TENM4: variants seen among roughly 807,000 people sequenced by gnomAD.
The protein encoded by TENM4 is teneurin transmembrane protein 4.
TENM4 carries 82 observed loss-of-function variants against 243.3 expected under a neutral mutation model. The observed-to-expected ratio is 0.34, with a 90% CI of 0.28 to 0.40. TENM4 has a LOEUF of 0.40. Ranked by LOEUF, TENM4 falls within the 10% of genes least tolerant of loss-of-function variation. The probability of loss-of-function intolerance (pLI) is 1.00; values close to 1 mark genes in which losing one functional copy is unlikely to be tolerated. For synonymous variants in TENM4, 1,412 were observed against 1,456.3 expected (o/e 0.97, Z 0.69); for missense variants, 3,138 against 3,673.3 (o/e 0.85, Z 3.77).
chr11:79,402,245 G>A (rs919078227), intron 1 of TENM4: 1 of 169,810 alleles, frequency 5.9e-6, no homozygotes. Flanking sequence ...GAAGTCACCA[G>A]TGAACTTGTA....
intron 6 of TENM4, among the ~76,000 whole-genome samples, chr11:78,964,646 T>A (rs1857402511): frequency 6.6e-6 from 1 of 152,206 alleles, no homozygotes; most frequent in Non-Finnish European, 1.5e-5. Flanking sequence ...CTGAACATTC[T>A]GCATTCCTTT....
chr11:78,754,265 C>T (rs558629726), intron 19 of TENM4, among the ~76,000 whole-genome samples: 1 of 152,342 alleles, frequency 6.6e-6, no homozygotes, highest in East Asian at 1.9e-4. Context: ...GTCTTCCCTA[C>T]TGCTGAGGGG....
At chr11:78,675,437 A>AG (rs1858443502) in intron 30 of TENM4, among the ~76,000 whole-genome samples, 1 of 152,196 alleles carries the variant, frequency 6.6e-6, no homozygotes, top group African/African-American at 2.4e-5. Context: ...AGCCATGGCT[A>AG]GTTCATTAAC....
At chr11:79,431,945 T>C (rs1445350805) in intron 1 of TENM4, among the ~76,000 whole-genome samples, 1 of 152,198 alleles carries the variant, frequency 6.6e-6, no homozygotes, top group Admixed American at 6.5e-5. Context: ...CTTAATCGAA[T>C]GTCTTACAAT....
intron 4 of TENM4, among the ~76,000 whole-genome samples, chr11:79,117,328 TG>T (rs1164685006): frequency 6.6e-6 from 1 of 152,164 alleles, no homozygotes; most frequent in African/African-American, 2.4e-5. Flanking sequence ...GCATCTTTCT[TG>T]GTTGGCCTAC....
intron 2 of TENM4, among the ~76,000 whole-genome samples, chr11:79,237,144 C>T (rs879780082): frequency 1.3e-5 from 2 of 152,166 alleles, no homozygotes; most frequent in South Asian, 2.1e-4. Context: ...TGAGCCAACA[C>T]CCGTCTGTCC....
intron 1 of TENM4, among the ~76,000 whole-genome samples, chr11:79,412,861 A>G (rs1470056521): frequency 6.6e-6 from 1 of 152,170 alleles, no homozygotes; most frequent in Non-Finnish European, 1.5e-5. Context: ...TTCCATGAGC[A>G]TCTTCTTTGC....
chr11:79,170,360 T>C (rs1172996885), intron 3 of TENM4, among the ~76,000 whole-genome samples: 2 of 152,138 alleles, frequency 1.3e-5, no homozygotes, highest in Admixed American at 6.5e-5. Flanking sequence ...ACAGAGACTT[T>C]CCATACTTGA....
intron 2 of TENM4, among the ~76,000 whole-genome samples, chr11:79,283,817 G>A (rs116490122): frequency 3.4e-3 from 514 of 152,128 alleles, no homozygotes; most frequent in African/African-American, 0.011. Context: ...AAATCCTAAG[G>A]AATCCACAAA....
intron 7 of TENM4, among the ~76,000 whole-genome samples, chr11:78,897,641 T>A (rs1855827735): frequency 6.6e-6 from 1 of 152,210 alleles, no homozygotes. Flanking sequence ...CATTTACAGG[T>A]CTGTCTCCCT....
rs376235404 is a variant in TENM4, at chr11:78,708,407, G to A, written c.4163C>T (p.Thr1388Ile). 1.8e-4 allele frequency: 290 copies of A among 1,613,930 alleles called. No individual in the cohort carries two copies. Among genetic ancestry groups the A allele is most frequent in the Non-Finnish European group, 2.3e-4 (274 of 1,179,906 alleles). Reference sequence around the variant, plus strand: ...ATCACAGCTGAGTGGCCGGGCTGATGTGAGATCATTAGAGCCGAGCAGGGT... The same window carrying A: ...ATCACAGCTGAGTGGCCGGGCTGATATGAGATCATTAGAGCCGAGCAGGGT... Reference protein sequence around the residue: ...ISTLLGSNDLTSARPLSCDSV... With the variant: ...ISTLLGSNDLISARPLSCDSV... Residue 1388 changes from threonine (T) to isoleucine (I), a missense_variant, in exon 27 of 34, where the codon ACA becomes ATA. Physicochemically the swap from Thr to Ile is moderately conservative, Grantham distance 89. Transcript: ENST00000278550.
At chr11:79,379,933 G>C (rs890215622) in intron 1 of TENM4, among the ~76,000 whole-genome samples, 10 of 152,150 alleles carry the variant, frequency 6.6e-5, no homozygotes, top group African/African-American at 2.4e-4. Flanking sequence ...TCAGGGGCTG[G>C]GGGATCAAGA....
intron 6 of TENM4, among the ~76,000 whole-genome samples, chr11:78,996,638 C>A (rs1858178694): frequency 6.6e-6 from 1 of 152,128 alleles, no homozygotes; most frequent in African/African-American, 2.4e-5. Context: ...CAGCTCTGAG[C>A]CTTATTGGGA....
intron 28 of TENM4, among the ~76,000 whole-genome samples, chr11:78,694,312 T>C (rs1250231083): frequency 1.3e-5 from 2 of 152,232 alleles, no homozygotes; most frequent in African/African-American, 4.8e-5. Context: ...TGGATAATTA[T>C]GGTTCCTGGC....
intron 6 of TENM4, among the ~76,000 whole-genome samples, chr11:78,991,168 G>A (rs1223677884): frequency 1.3e-5 from 2 of 152,198 alleles, no homozygotes; most frequent in African/African-American, 4.8e-5. Flanking sequence ...TGAATACACT[G>A]AAGCTGAGAA....
chr11:79,227,672 C>T (rs549369576), intron 2 of TENM4, among the ~76,000 whole-genome samples: 30 of 152,218 alleles, frequency 2.0e-4, no homozygotes, highest in African/African-American at 6.7e-4. Flanking sequence ...CCCGTAGGTC[C>T]AGTCAGCTTG....
chr11:79,338,049 C>T (rs914686565), intron 1 of TENM4, among the ~76,000 whole-genome samples: 1 of 152,238 alleles, frequency 6.6e-6, no homozygotes, highest in South Asian at 2.1e-4. Context: ...ATGACTGCTT[C>T]TCAACTGTCT....
intron 3 of TENM4, among the ~76,000 whole-genome samples, chr11:79,162,868 G>T (rs1372445722): frequency 6.6e-6 from 1 of 152,246 alleles, no homozygotes; most frequent in African/African-American, 2.4e-5. Flanking sequence ...GAGCCATGCA[G>T]CCTGGTCAAG....
chr11:78,846,343 G>C (rs1438710320), intron 12 of TENM4, among the ~76,000 whole-genome samples: 1 of 152,122 alleles, frequency 6.6e-6, no homozygotes, highest in Admixed American at 6.5e-5. Context: ...ATCTCAAACT[G>C]CCTCAGACCT....
Sources: gnomAD v4.1 joint callset for allele counts (sites outside exome capture counted in the v4.1 genomes callset) on GRCh38, gnomAD v4.1.1 for gene constraint, MANE v1.5 for transcripts, NCBI Gene and HGNC (gene_info 2026-07-23, HGNC 2026-07-21) for gene names.